LAMC1: variants seen among roughly 807,000 people sequenced by gnomAD.
LAMC1 encodes the protein laminin subunit gamma-1.
A neutral mutation model predicts 173.6 loss-of-function variants in LAMC1; 38 were observed. The observed-to-expected ratio is 0.22, with a 90% CI of 0.17 to 0.29. The LOEUF is 0.29. Ranked by LOEUF, LAMC1 falls within the 10% of genes least tolerant of loss-of-function variation. The pLI, the probability that LAMC1 is intolerant of heterozygous loss-of-function variation, is 1.00. For synonymous variants in LAMC1, 746 were observed against 749.1 expected (o/e 1.00, Z 0.07); for missense variants, 1,824 against 2,051.8 (o/e 0.89, Z 2.14).
intron 13 of LAMC1, among the ~76,000 whole-genome samples, chr1:183,123,475 A>G (rs1656537385): frequency 6.6e-6 from 1 of 152,148 alleles, no homozygotes; most frequent in Admixed American, 6.5e-5. Context: ...TCTGACCTCC[A>G]TGCTTCTACA....
At chr1:183,026,563 A>G (rs566986512) in intron 1 of LAMC1, among the ~76,000 whole-genome samples, 1 of 152,312 alleles carries the variant, frequency 6.6e-6, no homozygotes, top group South Asian at 2.1e-4. Flanking sequence ...CTAACTAATT[A>G]TTTCCCATGA....
chr1:183,133,870 T>C (rs1656867469), intron 22 of LAMC1, among the ~76,000 whole-genome samples: 1 of 152,172 alleles, frequency 6.6e-6, no homozygotes, highest in East Asian at 1.9e-4. Context: ...ATTGTAAACA[T>C]TAAATAGCAA....
intron 11 of LAMC1, among the ~76,000 whole-genome samples, chr1:183,121,107 CAT>C (rs1656458691): frequency 6.6e-6 from 1 of 151,966 alleles, no homozygotes; most frequent in South Asian, 2.1e-4. Context: ...TCTAGGGGTA[CAT>C]GTGTGTGTTT....
At chr1:183,090,618 G>A (rs1057385566) in intron 1 of LAMC1, among the ~76,000 whole-genome samples, 1 of 152,210 alleles carries the variant, frequency 6.6e-6, no homozygotes, top group African/African-American at 2.4e-5. Flanking sequence ...TTGTGCAAAG[G>A]ACTGAATTCC....
At chr1:183,100,836 C>A (rs1655818042) in intron 1 of LAMC1, among the ~76,000 whole-genome samples, 1 of 152,178 alleles carries the variant, frequency 6.6e-6, no homozygotes, top group South Asian at 2.1e-4. Flanking sequence ...TCCCTCATTT[C>A]CAGCTGTGGC....
chr1:183,117,826 C>G, intron 10 of LAMC1, 103 bp downstream of exon 10: 1 of 1,086,972 alleles, frequency 9.2e-7, no homozygotes, highest in Non-Finnish European at 1.3e-6. Context: ...AGAAAAACTT[C>G]TGGGTTATTG....
At chr1:183,036,185 G>A (rs981173101) in intron 1 of LAMC1, among the ~76,000 whole-genome samples, 6 of 147,136 alleles carry the variant, frequency 4.1e-5, no homozygotes, top group Non-Finnish European at 5.9e-5. Context: ...TGCAACTTCC[G>A]CCTCCCGGCT....
chr1:183,124,757 A>T lies in LAMC1; in HGVS notation c.2528A>T (p.Asn843Ile), dbSNP rs753455592. 2 of 1,614,218 alleles carry T rather than the reference A, an allele frequency of 1.2e-6. No individual in the cohort carries two copies. Among genetic ancestry groups the T allele is most frequent in the East Asian group, 2.2e-5 (1 of 44,880 alleles). Reference protein sequence around the residue: ...NIDPNAVGNCNRLTGECLKCI... With the variant: ...NIDPNAVGNCIRLTGECLKCI... The stretch of plus-strand genomic sequence containing the variant: ...GATCCCAATGCAGTTGGAAATTGCA[A>T]TCGCTTGACGGGAGAATGCCTGAAG... The change falls in exon 14 of 28, where the codon AAT (asparagine) becomes ATT (isoleucine). Residue 843 changes from asparagine to isoleucine, a missense_variant. Transcript: ENST00000258341.
chr1:183,029,250 G>C (rs540894769), intron 1 of LAMC1, among the ~76,000 whole-genome samples: 2 of 152,182 alleles, frequency 1.3e-5, no homozygotes, highest in South Asian at 4.1e-4. Flanking sequence ...TATGTGTCTT[G>C]AATGCTTATC....
At chr1:183,087,915 G>A (rs1655472598) in intron 1 of LAMC1, among the ~76,000 whole-genome samples, 1 of 151,614 alleles carries the variant, frequency 6.6e-6, no homozygotes, top group East Asian at 1.9e-4. Flanking sequence ...CCAGGTTCAA[G>A]CGATTCTCCT....
intron 1 of LAMC1, among the ~76,000 whole-genome samples, chr1:183,052,482 C>T (rs994400741): frequency 5.3e-5 from 8 of 151,996 alleles, no homozygotes; most frequent in East Asian, 1.9e-4. Context: ...TACAGGCATG[C>T]GCCACCACGC....
chr1:183,117,782 A>G, intron 10 of LAMC1, 59 bp downstream of exon 10: 2 of 1,470,860 alleles, frequency 1.4e-6, no homozygotes, highest in East Asian at 4.6e-5. Context: ...TGGTGTCTTT[A>G]TTTAAGTTTA....
At chr1:183,064,354 A>G (rs1273662697) in intron 1 of LAMC1, among the ~76,000 whole-genome samples, 1 of 152,204 alleles carries the variant, frequency 6.6e-6, no homozygotes, top group East Asian at 1.9e-4. Context: ...GTCCTAGGCT[A>G]TAAACCTGTA....
chr1:183,060,648 C>T (rs2102031457), intron 1 of LAMC1, among the ~76,000 whole-genome samples: 1 of 152,280 alleles, frequency 6.6e-6, no homozygotes, highest in Non-Finnish European at 1.5e-5. Flanking sequence ...TCATTACATT[C>T]CCTGGGGACA....
intron 4 of LAMC1, among the ~76,000 whole-genome samples, chr1:183,112,143 A>G (rs1656177694): frequency 6.6e-6 from 1 of 152,170 alleles, no homozygotes; most frequent in Admixed American, 6.5e-5. Flanking sequence ...AGATTTTCTT[A>G]TTCATCTTTT....
At chr1:183,052,312 AATCT>A (rs530328806) in intron 1 of LAMC1, among the ~76,000 whole-genome samples, 96 of 151,954 alleles carry the variant, frequency 6.3e-4, no homozygotes, top group Non-Finnish European at 1.2e-3. Flanking sequence ...CTAAAAGGCT[AATCT>A]ATCTATCTTT....
chr1:183,051,415 A>T (rs1654424749), intron 1 of LAMC1, among the ~76,000 whole-genome samples: 1 of 152,246 alleles, frequency 6.6e-6, no homozygotes, highest in African/African-American at 2.4e-5. Context: ...CACCAGGCAG[A>T]TGAGCCCACC....
At chr1:183,056,399 C>T (rs1654597092) in intron 1 of LAMC1, among the ~76,000 whole-genome samples, 1 of 152,138 alleles carries the variant, frequency 6.6e-6, no homozygotes, top group Admixed American at 6.5e-5. Context: ...TCCTCTTGCT[C>T]CCAGTTTCTG....
At chr1:183,132,005 T>C (rs748132566) in intron 20 of LAMC1, among the ~76,000 whole-genome samples, 17 of 152,202 alleles carry the variant, frequency 1.1e-4, no homozygotes, top group Non-Finnish European at 2.2e-4. Flanking sequence ...TATATGTACA[T>C]ATAATAAAGT....
Sources: allele counts gnomAD v4.1 joint callset (sites outside exome capture counted in the v4.1 genomes callset), GRCh38; gene constraint gnomAD v4.1.1; transcripts MANE v1.5; gene names NCBI Gene and HGNC (gene_info 2026-07-23, HGNC 2026-07-21).